The following RANBP2 variants were observed in gnomAD, a reference collection of about 807,000 sequenced individuals.
The protein encoded by RANBP2 is E3 SUMO-protein ligase RanBP2.
Under a neutral mutation model 303.6 loss-of-function variants are expected in RANBP2, and 57 were observed. That is an observed-to-expected ratio of 0.19 (90% CI 0.15 to 0.23). The LOEUF (loss-of-function observed/expected upper bound fraction) is 0.23, where lower values mean the gene tolerates loss of function less well. RANBP2 is among the 10% of genes least tolerant of loss of function. The pLI, the probability that RANBP2 is intolerant of heterozygous loss-of-function variation, is 1.00. For synonymous variants in RANBP2, 1,167 were observed against 1,301.5 expected (o/e 0.90, Z 2.23); for missense variants, 3,138 against 3,780.8 (o/e 0.83, Z 4.46).
chr2:108,729,306 A>G, intron 2 of RANBP2, 107 bp downstream of exon 2: 2 of 1,230,004 alleles, frequency 1.6e-6, no homozygotes, highest in Non-Finnish European at 1.1e-6. Flanking sequence ...TCCTAAGTGT[A>G]TTCTGGAATA....
chr2:109,147,073 C>T, the RANBP2 span, among the ~76,000 whole-genome samples: 1 of 152,048 alleles, frequency 6.6e-6, no homozygotes, highest in African/African-American at 2.4e-5. Context: ...CAAACAAGTT[C>T]TCTTCTTCCC....
At chr2:109,511,478 G>A in the RANBP2 span, among the ~76,000 whole-genome samples, 1 of 152,172 alleles carries the variant, frequency 6.6e-6, no homozygotes, top group African/African-American at 2.4e-5. Context: ...GTGGCCTTAG[G>A]GGTGGTGTCC....
chr2:108,893,600 A>AAAC, the RANBP2 span, among the ~76,000 whole-genome samples: 1 of 152,168 alleles, frequency 6.6e-6, no homozygotes, highest in Non-Finnish European at 1.5e-5. Flanking sequence ...TTAAAAAACA[A>AAAC]AACAAAACTG....
At chr2:108,846,883 C>T in the RANBP2 span, 2 of 1,613,300 alleles carry the variant, frequency 1.2e-6, no homozygotes, top group East Asian at 2.2e-5. Context: ...TCCAATTTGC[C>T]ATTGAGATTT....
the RANBP2 span, among the ~76,000 whole-genome samples, chr2:109,260,046 G>T: frequency 6.6e-6 from 1 of 152,218 alleles, no homozygotes; most frequent in East Asian, 1.9e-4. Context: ...TTTGGTGGAG[G>T]GTTATTTGTG....
the RANBP2 span, among the ~76,000 whole-genome samples, chr2:109,596,385 A>G: frequency 6.6e-6 from 1 of 152,084 alleles, no homozygotes; most frequent in Non-Finnish European, 1.5e-5. Context: ...TGGGAGGCCG[A>G]GGTGGGTGGA....
the RANBP2 span, among the ~76,000 whole-genome samples, chr2:109,499,133 C>A: frequency 8.7e-3 from 1,318 of 152,250 alleles, 13 homozygotes; most frequent in Non-Finnish European, 0.015. Context: ...GAGTGGGCAG[C>A]CGCCAGGACC....
At chr2:108,909,670 T>C in the RANBP2 span, among the ~76,000 whole-genome samples, 4 of 152,204 alleles carry the variant, frequency 2.6e-5, no homozygotes, top group Non-Finnish European at 4.4e-5. Flanking sequence ...GGGGTTGATT[T>C]TTGGAAGCTA....
chr2:109,110,387 T>C, the RANBP2 span, among the ~76,000 whole-genome samples: 4 of 152,160 alleles, frequency 2.6e-5, no homozygotes, highest in African/African-American at 9.7e-5. Context: ...TCATTGGAAC[T>C]TGGCAGATTT....
chr2:109,151,772 T>A, the RANBP2 span, among the ~76,000 whole-genome samples: 1 of 152,242 alleles, frequency 6.6e-6, no homozygotes, highest in Non-Finnish European at 1.5e-5. Context: ...ATAATAAAGT[T>A]CTGGCACCAG....
chr2:109,175,941 A>G, the RANBP2 span, among the ~76,000 whole-genome samples: 1 of 152,108 alleles, frequency 6.6e-6, no homozygotes, highest in African/African-American at 2.4e-5. Context: ...GTAATACTTT[A>G]TTTTTCTGGA....
the RANBP2 span, chr2:109,585,135 T>G: frequency 3.8e-6 from 6 of 1,574,102 alleles, no homozygotes; most frequent in Non-Finnish European, 4.3e-6. Flanking sequence ...CCTCTCTTCT[T>G]TATTTATTTG....
chr2:109,188,383 T>C, the RANBP2 span, among the ~76,000 whole-genome samples: 4 of 152,190 alleles, frequency 2.6e-5, no homozygotes, highest in African/African-American at 9.6e-5. Flanking sequence ...CAGGGTTGCA[T>C]GGGAGGCTGC....
At chr2:108,814,818 T>C in the RANBP2 span, among the ~76,000 whole-genome samples, 3 of 151,936 alleles carry the variant, frequency 2.0e-5, no homozygotes, top group Non-Finnish European at 2.9e-5. Context: ...ATATTTTTAG[T>C]AGAGACAGCG....
At chr2:108,818,256 G>C in the RANBP2 span, among the ~76,000 whole-genome samples, 3 of 152,112 alleles carry the variant, frequency 2.0e-5, no homozygotes, top group East Asian at 3.9e-4. Flanking sequence ...GCAGTGAGCC[G>C]TGATTGTACC....
the RANBP2 span, among the ~76,000 whole-genome samples, chr2:109,104,278 G>C: frequency 2.0e-5 from 3 of 152,110 alleles, no homozygotes; most frequent in Non-Finnish European, 4.4e-5. Flanking sequence ...AATCTGTTGT[G>C]TCAGTCTTAG....
chr2:109,615,324 A>T, the RANBP2 span: 1 of 1,610,716 alleles, frequency 6.2e-7, no homozygotes, highest in Non-Finnish European at 8.5e-7. Context: ...CTCCGATGGC[A>T]AGTGGGACAG....
chr2:109,778,048 T>G, the RANBP2 span, among the ~76,000 whole-genome samples: 625 of 130,642 alleles, frequency 4.8e-3, 7 homozygotes, highest in African/African-American at 0.018. Flanking sequence ...TTGGATGTGA[T>G]GGGGCTTGTG....
rs1678437588 is a variant in RANBP2 at position 108,783,973 on chromosome 2, AGTTAT to A, written c.*76_*80del. On this transcript the variant is annotated 3_prime_UTR_variant, in exon 29 of 29. Coordinates refer to ENST00000283195, the MANE Select transcript of RANBP2 (RefSeq NM_006267.5). The stretch of plus-strand genomic sequence containing the variant: ...TGAAGCTTAGCTATTACAATTTGAT[AGTTAT>A]GTTCAGCTTTTGAAAATGGACGTTT... The A allele has an allele frequency of 2.1e-6, 3 of 1,396,860 alleles. No homozygotes were observed. Among genetic ancestry groups the A allele is most frequent in the Non-Finnish European group, 3.0e-6 (3 of 1,009,146 alleles). 86.5% of individuals were successfully genotyped at this position (1,396,860 alleles called of 1,614,324 possible). A position where few individuals can be genotyped will look rare whatever the true frequency, so the allele number is the denominator to read the frequency against.
Sources: allele counts gnomAD v4.1 joint callset (sites outside exome capture counted in the v4.1 genomes callset), GRCh38; gene constraint gnomAD v4.1.1; transcripts MANE v1.5; gene names NCBI Gene and HGNC (gene_info 2026-07-23, HGNC 2026-07-21).